The following TRPM6 variants were observed in gnomAD, a reference collection of about 807,000 sequenced individuals.
TRPM6 encodes the protein transient receptor potential cation channel subfamily M member 6.
A neutral mutation model predicts 247.6 loss-of-function variants in TRPM6; 111 were observed. The ratio of observed to expected loss-of-function variants is 0.45; its 90% CI spans 0.38 to 0.52. The LOEUF (loss-of-function observed/expected upper bound fraction) is 0.52, where lower values mean the gene tolerates loss of function less well. TRPM6 is among the 20% of genes least tolerant of loss of function. The probability of loss-of-function intolerance (pLI) is 0.00; values close to 1 mark genes in which losing one functional copy is unlikely to be tolerated. For synonymous variants in TRPM6, 892 were observed against 853.8 expected (o/e 1.04, Z -0.78); for missense variants, 2,126 against 2,421.5 (o/e 0.88, Z 2.56).
intron 1 of TRPM6, among the ~76,000 whole-genome samples, chr9:74,868,146 C>CAA (rs796635861): frequency 4.3e-4 from 37 of 85,784 alleles, no homozygotes; most frequent in African/African-American, 5.3e-4. Flanking sequence ...CGAGACTCCG[C>CAA]AAAAAAAAAA....
intron 5 of TRPM6, among the ~76,000 whole-genome samples, chr9:74,837,103 C>A (rs1829749237): frequency 6.6e-6 from 1 of 152,188 alleles, no homozygotes; most frequent in Non-Finnish European, 1.5e-5. Context: ...TAACACCTAT[C>A]CAAATGCTTT....
intron 3 of TRPM6, among the ~76,000 whole-genome samples, chr9:74,848,757 A>T (rs1830186751): frequency 6.6e-6 from 1 of 152,204 alleles, no homozygotes; most frequent in Non-Finnish European, 1.5e-5. Context: ...ATTCTGATGC[A>T]CAATTAATTC....
At chr9:74,843,759 G>A (rs1224485667) in intron 3 of TRPM6, among the ~76,000 whole-genome samples, 1 of 148,998 alleles carries the variant, frequency 6.7e-6, no homozygotes, top group African/African-American at 2.5e-5. Context: ...AGCTTGCAGT[G>A]AGCCGAGATA....
chr9:74,800,326 A>T lies in TRPM6; in HGVS notation c.2166T>A (p.His722Gln). 6.2e-7 allele frequency: 1 copy of T among 1,614,196 alleles called. No individual in the cohort carries two copies. The highest frequency in any genetic ancestry group is 8.5e-7 in the Non-Finnish European group (1 of 1,180,044). The change falls in exon 17 of 39, where the codon CAT becomes CAA. Residue 722 changes from histidine (H) to glutamine (Q), a missense_variant. His to Gln is a conservative substitution (Grantham distance 24). Coordinates refer to ENST00000360774, the MANE Select transcript of TRPM6 (RefSeq NM_017662.5). ...VSGGLRPFVSHTCTQMLLTDM... is the reference protein window; with the variant it reads ...VSGGLRPFVSQTCTQMLLTDM... ...CTGTCAGTAGCATCTGGGTACAAGT[A>T]TGTGAAACAAAGGGTCGTAATCCTC...
intron 27 of TRPM6, among the ~76,000 whole-genome samples, chr9:74,761,017 C>G (rs185215394): frequency 3.3e-5 from 5 of 152,288 alleles, no homozygotes; most frequent in Non-Finnish European, 5.9e-5. Flanking sequence ...TTCCCTCCAC[C>G]CTGGACTTCC....
rs1266769492 is a variant in TRPM6, at chr9:74,834,120, C to G, written c.547G>C (p.Val183Leu). 13 of 1,614,002 alleles carry G rather than the reference C, an allele frequency of 8.1e-6. No homozygotes were observed. The highest frequency in any genetic ancestry group is 1.1e-5 in the Non-Finnish European group (13 of 1,179,906). The stretch of plus-strand genomic sequence containing the variant: ...AAGGCATCCCCAACATGCTTGGACA[C>G]TCCTATGAACAACCAGTTTAGAAGT... ...WIITEGINTG[V>L]SKHVGDALKS... Residue 183 changes from valine (V) to leucine (L), a missense_variant and splice_region_variant, in exon 6 of 39, where the codon GTG becomes CTG. By Grantham distance (32) the Val-to-Leu change is conservative. Coordinates refer to ENST00000360774, the MANE Select transcript of TRPM6 (RefSeq NM_017662.5).
chr9:74,756,530 G>T (rs2118816911), intron 27 of TRPM6, among the ~76,000 whole-genome samples: 1 of 152,038 alleles, frequency 6.6e-6, no homozygotes, highest in African/African-American at 2.4e-5. Context: ...GAGGGAATTT[G>T]ATAGCACTAA....
chr9:74,729,878 C>A (rs532154388), intron 37 of TRPM6, among the ~76,000 whole-genome samples: 1 of 152,148 alleles, frequency 6.6e-6, no homozygotes, highest in African/African-American at 2.4e-5. Context: ...AACATAAAAA[C>A]CCCCAACTTA....
intron 3 of TRPM6, among the ~76,000 whole-genome samples, chr9:74,849,409 T>G (rs1335990436): frequency 1.3e-5 from 2 of 150,618 alleles, no homozygotes; most frequent in African/African-American, 4.9e-5. Flanking sequence ...AAGGATTAAT[T>G]TGATAGAAAT....
intron 27 of TRPM6, among the ~76,000 whole-genome samples, chr9:74,756,627 T>C (rs1367734957): frequency 7.0e-6 from 1 of 142,676 alleles, no homozygotes; most frequent in East Asian, 2.1e-4. Context: ...GTGAATAGCT[T>C]GAGCTTAGGA....
At chr9:74,815,072 A>G (rs1203570414) in intron 11 of TRPM6, among the ~76,000 whole-genome samples, 1 of 152,200 alleles carries the variant, frequency 6.6e-6, no homozygotes, top group Non-Finnish European at 1.5e-5. Context: ...GGAGCAGTCC[A>G]TAAGGTCCAA....
intron 37 of TRPM6, among the ~76,000 whole-genome samples, chr9:74,729,912 T>C (rs1030979021): frequency 1.1e-4 from 17 of 152,174 alleles, no homozygotes; most frequent in African/African-American, 3.6e-4. Context: ...GAATCTCAGA[T>C]AAAACCTGTA....
intron 1 of TRPM6, among the ~76,000 whole-genome samples, chr9:74,882,693 C>T (rs1272541772): frequency 1.3e-5 from 2 of 152,178 alleles, no homozygotes; most frequent in African/African-American, 2.4e-5. Context: ...TTATGGAAAA[C>T]AGTAATGGAG....
intron 27 of TRPM6, 121 bp from the exon 28 acceptor site, chr9:74,755,594 G>T: frequency 7.9e-7 from 1 of 1,268,908 alleles, no homozygotes; most frequent in Non-Finnish European, 1.1e-6. Flanking sequence ...TATGACAATT[G>T]CCTGGGAAGT....
At position 74,800,365 on chromosome 9, in the gene TRPM6, T is replaced by C; in HGVS notation, c.2127A>G (p.Lys709=). 1 of 1,614,036 alleles carries C rather than the reference T, an allele frequency of 6.2e-7. No individual in the cohort carries two copies. The highest frequency in any genetic ancestry group is 8.5e-7 in the Non-Finnish European group (1 of 1,180,016). Residue 709 remains lysine, a synonymous_variant, in exon 17 of 39, where the codon AAA becomes AAG. Transcript: ENST00000360774. ...GTCGTAATCCTCCCGACACGGCCAGTTTAAGGCAGGTCGAATTGCTCCAGT... is the reference window on the plus strand; with the variant it reads ...GTCGTAATCCTCCCGACACGGCCAGCTTAAGGCAGGTCGAATTGCTCCAGT... ...LRNWSNSTCL[K]LAVSGGLRPF...
At chr9:74,739,580 A>G (rs1825797205) in intron 34 of TRPM6, 131 bp from the exon 35 acceptor site, 1 of 1,507,094 alleles carries the variant, frequency 6.6e-7, no homozygotes, top group Non-Finnish European at 9.2e-7. Context: ...CCCAAAAGCA[A>G]AAGTCCTACA....
At chr9:74,870,602 G>T (rs1830990430) in intron 1 of TRPM6, among the ~76,000 whole-genome samples, 1 of 152,156 alleles carries the variant, frequency 6.6e-6, no homozygotes. Context: ...AAAGTTTCAT[G>T]AACATTCCTT....
At chr9:74,838,646 C>T (rs979893838) in intron 5 of TRPM6, among the ~76,000 whole-genome samples, 39 of 152,310 alleles carry the variant, frequency 2.6e-4, no homozygotes, top group Middle Eastern at 3.4e-3. Flanking sequence ...GCAGTAAATG[C>T]TGTAGAAATT....
chr9:74,728,179 A>G, intron 38 of TRPM6, 60 bp downstream of exon 38: 2 of 1,231,804 alleles, frequency 1.6e-6, no homozygotes, highest in East Asian at 2.3e-5. Flanking sequence ...ATCCCAGGTT[A>G]CAAAGGATGT....
Sources: allele counts gnomAD v4.1 joint callset (sites outside exome capture counted in the v4.1 genomes callset), GRCh38; gene constraint gnomAD v4.1.1; transcripts MANE v1.5; gene names NCBI Gene and HGNC (gene_info 2026-07-23, HGNC 2026-07-21).